The following AQP7 variants were observed in gnomAD, a reference collection of about 807,000 sequenced individuals.
AQP7 encodes aquaporin-7.
AQP7 carries 22 observed loss-of-function variants against 26.1 expected under a neutral mutation model. The ratio of observed to expected loss-of-function variants is 0.84; its 90% CI spans 0.60 to 1.20. AQP7 has a LOEUF of 1.20. AQP7 is among the 50% of genes most tolerant of loss of function. AQP7 has a pLI of 0.00. For synonymous variants in AQP7, 167 were observed against 181.7 expected, an observed-to-expected ratio of 0.92 and a Z score of 0.65; for missense variants, 412 against 457.5, an observed-to-expected ratio of 0.90 and a Z score of 0.91.
chr9:33,390,665 G>A (rs1825304354), intron 3 of AQP7, among the ~76,000 whole-genome samples: 1 of 152,076 alleles, frequency 6.6e-6, no homozygotes, highest in Non-Finnish European at 1.5e-5. Flanking sequence ...GAGAGGACAG[G>A]AACAGATGGG....
intron 3 of AQP7, among the ~76,000 whole-genome samples, chr9:33,393,115 C>A (rs1825558311): frequency 6.6e-6 from 1 of 152,168 alleles, no homozygotes; most frequent in Non-Finnish European, 1.5e-5. Flanking sequence ...GTAGTCCCAG[C>A]TACTCAGGAG....
chr9:33,401,326 C>A (rs1283164148), intron 1 of AQP7, 39 bp from the exon 2 acceptor site: 1 of 1,510,326 alleles, frequency 6.6e-7, no homozygotes, highest in African/African-American at 1.4e-5. Flanking sequence ...CTGGAGGACA[C>A]AGAACTTGGC....
chr9:33,384,930 C>G lies in AQP7; in HGVS notation c.*75G>C. On this transcript the variant is annotated 3_prime_UTR_variant, in exon 8 of 8. Coordinates refer to ENST00000297988, the MANE Select transcript of AQP7 (RefSeq NM_001170.3). The stretch of plus-strand genomic sequence containing the variant: ...AGGGAAGCCCAACCACAGGAGGCCC[C>G]CAGGAAGTGGGGGTACTGCTGTCGG... 6.6e-7 allele frequency: 1 copy of G among 1,508,612 alleles called. No homozygotes were observed. Among genetic ancestry groups the G allele is most frequent in the Non-Finnish European group, 9.0e-7 (1 of 1,115,556 alleles). 93.5% of individuals were successfully genotyped at this position (1,508,612 alleles called of 1,614,324 possible). A position where few individuals can be genotyped will look rare whatever the true frequency, so the allele number is the denominator to read the frequency against.
Position 33,387,076 on chromosome 9 carries a change from G to T in AQP7, c.161C>A (p.Ser54Tyr). Reference protein sequence around the residue: ...TYVMMVFGLGSVAHMVLNKKY... With the variant: ...TYVMMVFGLGYVAHMVLNKKY... Reference sequence around the variant, plus strand: ...TTTATTTAGAACCATATGGGCCACGGAACCAAGGCCGAATACCTACAAGGG... The same window carrying T: ...TTTATTTAGAACCATATGGGCCACGTAACCAAGGCCGAATACCTACAAGGG... Residue 54 changes from serine to tyrosine, a missense_variant, in exon 4 of 8, where the codon TCC becomes TAC. By Grantham distance (144) the Ser-to-Tyr change is moderately radical. Coordinates refer to ENST00000297988, the MANE Select transcript of AQP7 (RefSeq NM_001170.3). 1 of 1,611,956 alleles carries T rather than the reference G, an allele frequency of 6.2e-7. No individual in the cohort carries two copies. The highest frequency in any genetic ancestry group is 8.5e-7 in the Non-Finnish European group (1 of 1,179,814).
intron 2 of AQP7, among the ~76,000 whole-genome samples, chr9:33,397,324 C>A (rs552456959): frequency 0.024 from 3,697 of 152,018 alleles, 52 homozygotes; most frequent in Middle Eastern, 0.041. Context: ...GCTCTGTCTA[C>A]CTCTCCCCTG....
chr9:33,389,261 T>A (rs1299337296), intron 3 of AQP7, among the ~76,000 whole-genome samples: 1 of 152,158 alleles, frequency 6.6e-6, no homozygotes, highest in Non-Finnish European at 1.5e-5. Context: ...ACACCTGACC[T>A]CAGATGATCC....
At chr9:33,395,747 G>A (rs1418076711) in intron 2 of AQP7, among the ~76,000 whole-genome samples, 12 of 152,012 alleles carry the variant, frequency 7.9e-5, no homozygotes, top group Non-Finnish European at 1.5e-5. Flanking sequence ...AAAATGAAGG[G>A]GTCAGCAAAA....
At chr9:33,391,166 G>C (rs1237833054) in intron 3 of AQP7, among the ~76,000 whole-genome samples, 1 of 152,200 alleles carries the variant, frequency 6.6e-6, no homozygotes, top group Non-Finnish European at 1.5e-5. Flanking sequence ...GATTCCCTGT[G>C]TCAGGGTTGC....
chr9:33,386,194 C>A lies in AQP7; in HGVS notation c.408G>T (p.Thr136=), dbSNP rs528904601. 2 of 1,613,978 alleles carry A rather than the reference C, an allele frequency of 1.2e-6. No individual in the cohort carries two copies. Among genetic ancestry groups the A allele is most frequent in the South Asian group, 1.1e-5 (1 of 91,076 alleles). Residue 136 remains threonine, a splice_region_variant and synonymous_variant, in exon 6 of 8, where the codon ACG becomes ACT. Coordinates refer to ENST00000297988, the MANE Select transcript of AQP7 (RefSeq NM_001170.3). Reference sequence around the variant, plus strand: ...GTCCACCCGAAAAGTGGAGAATGGCCGCTGCGGAGACACAGACTGTCATGC... The same window carrying A: ...GTCCACCCGAAAAGTGGAGAATGGCAGCTGCGGAGACACAGACTGTCATGC... ...AAATIYSLFY[T]AILHFSGGQL... is the part of the protein sequence containing the mutation.
At position 33,394,960 on chromosome 9, in the gene AQP7, C is replaced by G. The variant is rs1003174466; in HGVS notation, c.144+118G>C. 56 of 892,180 alleles carry G rather than the reference C, an allele frequency of 6.3e-5. 1 individual carries two copies. The Middle Eastern group carries it at 3.9e-3, about 62-fold the overall frequency. 55.3% of individuals were successfully genotyped at this position (892,180 alleles called of 1,614,324 possible). On this transcript the variant is annotated intron_variant, in intron 3 of 7. Coordinates refer to ENST00000297988, the MANE Select transcript of AQP7 (RefSeq NM_001170.3). ...CTCCTTACTTTCCTCTGCTGCTTCC[C>G]CAGGCTCCCAGCTCAGAGGCAAGGA...
At chr9:33,390,027 C>T (rs75998694) in intron 3 of AQP7, among the ~76,000 whole-genome samples, 3 of 78,628 alleles carry the variant, frequency 3.8e-5, no homozygotes, top group Non-Finnish European at 5.1e-5. Context: ...GACTCCGTCT[C>T]AAAAAAAAAA....
At chr9:33,391,051 G>T (rs1235862957) in intron 3 of AQP7, among the ~76,000 whole-genome samples, 1 of 152,138 alleles carries the variant, frequency 6.6e-6, no homozygotes, top group Non-Finnish European at 1.5e-5. Flanking sequence ...GCAGAGTAGT[G>T]AACTGAGATC....
At chr9:33,391,186 A>C (rs1319736508) in intron 3 of AQP7, among the ~76,000 whole-genome samples, 2 of 152,156 alleles carry the variant, frequency 1.3e-5, no homozygotes, top group Non-Finnish European at 2.9e-5. Flanking sequence ...CCAACTGGCA[A>C]CTCATGCACG....
At position 33,396,176 on chromosome 9, in the gene AQP7, G is replaced by A. The variant is rs555298546; in HGVS notation, c.27-981C>T. Reference sequence around the variant, plus strand: ...AGAGGGGCTGGGCCCGGTGGCTCACGCCTATAATCCCAGCACTTTGGTAGG... The same window carrying A: ...AGAGGGGCTGGGCCCGGTGGCTCACACCTATAATCCCAGCACTTTGGTAGG... On this transcript the variant is annotated intron_variant, in intron 2 of 7. Coordinates refer to ENST00000297988, the MANE Select transcript of AQP7 (RefSeq NM_001170.3). Among the ~76,000 whole-genome samples the A allele has an allele frequency of 2.4e-4, 36 of 152,272 alleles. 1 individual carries two copies. The highest frequency in any genetic ancestry group is 6.7e-4 in the African/African-American group (28 of 41,558).
chr9:33,402,274 C>A (rs973553951), intron 1 of AQP7, 99 bp downstream of exon 1: 2 of 152,522 alleles, frequency 1.3e-5, no homozygotes, highest in African/African-American at 4.8e-5. Flanking sequence ...AACAATCCCT[C>A]AGTCACCTCC....
chr9:33,398,671 G>A (rs1826025461), intron 2 of AQP7, among the ~76,000 whole-genome samples: 1 of 152,182 alleles, frequency 6.6e-6, no homozygotes, highest in Non-Finnish European at 1.5e-5. Context: ...GCCCTTTCTG[G>A]GCATGTTGAG....
intron 3 of AQP7, among the ~76,000 whole-genome samples, chr9:33,388,431 GACTC>G (rs937110867): frequency 6.6e-6 from 1 of 152,124 alleles, no homozygotes; most frequent in African/African-American, 2.4e-5. Context: ...GTCTTCCCCA[GACTC>G]ACTCACTGGC....
At chr9:33,398,619 T>C (rs530035988) in intron 2 of AQP7, among the ~76,000 whole-genome samples, 10 of 152,124 alleles carry the variant, frequency 6.6e-5, no homozygotes, top group African/African-American at 2.2e-4. Flanking sequence ...TCCTGACTAG[T>C]GTGGGGCGCA....
chr9:33,396,587 G>A (rs373965632), intron 2 of AQP7, among the ~76,000 whole-genome samples: 11,208 of 147,910 alleles, frequency 0.076, 549 homozygotes, highest in Admixed American at 0.1. Context: ...TGCACATCAC[G>A]TACTGCCTTA....
Sources: allele counts gnomAD v4.1 joint callset (sites outside exome capture counted in the v4.1 genomes callset), GRCh38; gene constraint gnomAD v4.1.1; transcripts MANE v1.5; gene names NCBI Gene and HGNC (gene_info 2026-07-23, HGNC 2026-07-21).